Variants in IRX4 observed in about 807,000 individuals in gnomAD.
IRX4 encodes the protein iroquois homeobox 4.
A neutral mutation model predicts 32.0 loss-of-function variants in IRX4; 22 were observed. The ratio of observed to expected loss-of-function variants is 0.69; its 90% confidence interval spans 0.49 to 0.98. The LOEUF is 0.98. Among genes scored for constraint, IRX4 ranks in the 50% least tolerant of loss-of-function variants. IRX4 has a pLI of 0.00. For synonymous variants in IRX4, 379 were observed against 351.7 expected (o/e 1.08, Z -0.87); for missense variants, 840 against 744.2 (o/e 1.13, Z -1.50).
In IRX4 at chr5:1,877,445, T is replaced by C. The variant is rs1227535558; in HGVS notation, c.*524A>G. The stretch of plus-strand genomic sequence containing the variant: ...ATACAAACACCATCACTCGGTTTTA[T>C]TGGTTTTGTTATATTAGCCTCTGAA... On this transcript the variant is annotated 3_prime_UTR_variant, in exon 5 of 5. Transcript: ENST00000231357. 6.5e-6 allele frequency: 1 copy of C among 152,880 alleles called. No homozygotes were observed. The highest frequency in any genetic ancestry group is 1.9e-4 in the East Asian group (1 of 5,208). The allele number at this position is 152,880 out of a possible 1,614,324, so 9.5% of individuals were successfully genotyped here.
chr5:1,880,871 G>T, intron 2 of IRX4, 37 bp from the exon 3 acceptor site: 34 of 1,511,030 alleles, frequency 2.3e-5, no homozygotes, highest in Non-Finnish European at 3.1e-5. Context: ...CAGTTTCCAG[G>T]GAGGCAACCC....
chr5:1,881,645 T>C (rs1034855844), intron 2 of IRX4, among the ~76,000 whole-genome samples, 163 bp downstream of exon 2: 1 of 151,130 alleles, frequency 6.6e-6, no homozygotes, highest in African/African-American at 2.4e-5. Flanking sequence ...GGGGTGGGGT[T>C]CTGAGGGTCT....
chr5:1,881,260 G>T (rs538068907), intron 2 of IRX4, among the ~76,000 whole-genome samples: 1 of 146,618 alleles, frequency 6.8e-6, no homozygotes, highest in South Asian at 2.2e-4. Flanking sequence ...AGGGGCTGCT[G>T]AGCGAGGGGA....
rs1335154666 is a variant in IRX4 at position 1,878,573 on chromosome 5, T to TCCTCAGGG, written c.955_956insCCCTGAGG (p.Asp319AlafsTer70). The TCCTCAGGG allele has an allele frequency of 6.5e-7, 1 of 1,547,600 alleles. No homozygotes were observed. Among genetic ancestry groups the TCCTCAGGG allele is most frequent in the Non-Finnish European group, 8.7e-7 (1 of 1,147,240 alleles). ...GAGACAGCTCCGGGCCCTCTCCAGG[T>TCCTCAGGG]CCTCGTCCAGAGCAGCTCCGCCACC... is the stretch of plus-strand genomic sequence containing the variant. On this transcript the variant is annotated frameshift_variant, in exon 5 of 5. Transcript: ENST00000231357. LOFTEE classifies it low-confidence loss of function (END_TRUNC).
At chr5:1,885,372 C>A (rs1308502441), upstream of IRX4, among the ~76,000 whole-genome samples, 2 of 152,230 alleles carry the variant, frequency 1.3e-5, no homozygotes, top group Non-Finnish European at 2.9e-5. Context: ...CTCCTGTTCT[C>A]TTTTGCCTTT....
At chr5:1,886,292 A>C (rs2111462080), upstream of IRX4, among the ~76,000 whole-genome samples, 1 of 152,334 alleles carries the variant, frequency 6.6e-6, no homozygotes. Context: ...AGCCCAGAGA[A>C]GTTAACTCCA....
Position 1,877,880 on chromosome 5 carries a change from G to A in IRX4, c.*89C>T, listed in dbSNP as rs536709566. ...GTGGGTTGGCGGCTTCGCGGTGGCC[G>A]CGCTAGTCTTCCTCTGGAAACTCAG... is the stretch of plus-strand genomic sequence containing the variant. On this transcript the variant is annotated 3_prime_UTR_variant, in exon 5 of 5. Transcript: ENST00000231357. 2.7e-4 allele frequency: 333 copies of A among 1,242,516 alleles called. 1 individual carries two copies. The African/African-American group carries it at 5.0e-3, about 19-fold the overall frequency. 77.0% of individuals were successfully genotyped at this position (1,242,516 alleles called of 1,614,324 possible). A position where few individuals can be genotyped will look rare whatever the true frequency, so the allele number is the denominator to read the frequency against.
chr5:1,886,708 AC>A (rs1399323402), upstream of IRX4, among the ~76,000 whole-genome samples: 2 of 120,114 alleles, frequency 1.7e-5, no homozygotes, highest in South Asian at 3.0e-4. Context: ...CGAGCCCCCC[AC>A]CCCCCGCCCC....
rs1400834472 is a variant in IRX4 at position 1,877,568 on chromosome 5, C to T, written c.*401G>A. ...ACTCAGTGCAAGTGCTGTTGGTGAGCATTACGTGCTGAGGATGAAATCGGA... is the reference window on the plus strand; with the variant it reads ...ACTCAGTGCAAGTGCTGTTGGTGAGTATTACGTGCTGAGGATGAAATCGGA... On this transcript the variant is annotated 3_prime_UTR_variant, in exon 5 of 5. Coordinates refer to ENST00000231357, the MANE Select transcript of IRX4 (RefSeq NM_016358.3). The T allele has an allele frequency of 8.8e-6, 2 of 226,194 alleles. No homozygotes were observed. The highest frequency in any genetic ancestry group is 1.7e-5 in the Non-Finnish European group (2 of 117,376). The allele number at this position is 226,194 out of a possible 1,614,324, so 14.0% of individuals were successfully genotyped here. A position where few individuals can be genotyped will look rare whatever the true frequency, so the allele number is the denominator to read the frequency against.
Position 1,881,900 on chromosome 5 carries a change from C to T in IRX4, c.205G>A (p.Ala69Thr). 1 of 1,585,070 alleles carries T rather than the reference C, an allele frequency of 6.3e-7. No individual in the cohort carries two copies. Among genetic ancestry groups the T allele is most frequent in the South Asian group, 1.2e-5 (1 of 86,804 alleles). The change falls in exon 2 of 5, where the codon GCG becomes ACG. Residue 69 changes from alanine (A) to threonine (T), a missense_variant. Ala to Thr is a moderately conservative substitution (Grantham distance 58). Coordinates refer to ENST00000231357, the MANE Select transcript of IRX4 (RefSeq NM_016358.3). ...TAGGGACCCCCATAGACGCCCAGCG[C>T]CGCGGCCGAGTTGAGCTCGTGGCGC... ...TARHELNSAA[A>T]LGVYGGPYGG...
At chr5:1,885,698 C>T (rs1194151601), upstream of IRX4, among the ~76,000 whole-genome samples, 2 of 152,240 alleles carry the variant, frequency 1.3e-5, no homozygotes, top group Admixed American at 6.5e-5. Context: ...ACCCTGTAGC[C>T]TGGCCTAGGC....
Position 1,878,196 on chromosome 5 carries a change from C to A in IRX4, c.1333G>T (p.Asp445Tyr), listed in dbSNP as rs1009617537. 2 of 1,596,876 alleles carry A rather than the reference C, an allele frequency of 1.3e-6. No individual in the cohort carries two copies. The highest frequency in any genetic ancestry group is 1.7e-6 in the Non-Finnish European group (2 of 1,173,178). Residue 445 changes from aspartate to tyrosine, a missense_variant, in exon 5 of 5, where the codon GAC becomes TAC. Physicochemically the swap from Asp to Tyr is radical, Grantham distance 160 (BLOSUM62 -3). Coordinates refer to ENST00000231357, the MANE Select transcript of IRX4 (RefSeq NM_016358.3). ...AAAGTGCTGTGCCTGAGGATGGGGTCGTGGAAGACCCCGTCCACCCAGTTT... is the reference window on the plus strand; with the variant it reads ...AAAGTGCTGTGCCTGAGGATGGGGTAGTGGAAGACCCCGTCCACCCAGTTT... ...LRNWVDGVFH[D>Y]PILRHSTLNQ...
rs1579256025 is a variant in IRX4 at position 1,882,832 on chromosome 5, G to A, written c.-185C>T. ...ACCGGGTAACAAAGTGAGCAGCGGTGGCCGCCGCGATTCCTTTAACTTCGC... is the reference window on the plus strand; with the variant it reads ...ACCGGGTAACAAAGTGAGCAGCGGTAGCCGCCGCGATTCCTTTAACTTCGC... On this transcript the variant is annotated 5_prime_UTR_variant, in exon 1 of 5. Transcript: ENST00000231357. The A allele has an allele frequency of 1.5e-5, 6 of 405,264 alleles. No homozygotes were observed. The highest frequency in any genetic ancestry group is 2.2e-5 in the Non-Finnish European group (5 of 226,654). 25.1% of individuals were successfully genotyped at this position (405,264 alleles called of 1,614,324 possible). A position where few individuals can be genotyped will look rare whatever the true frequency, so the allele number is the denominator to read the frequency against.
Position 1,878,212 on chromosome 5 carries a change from C to T in IRX4, c.1317G>A (p.Val439=), listed in dbSNP as rs1162638804. 17 of 1,601,884 alleles carry T rather than the reference C, an allele frequency of 1.1e-5. No individual in the cohort carries two copies. Among genetic ancestry groups the T allele is most frequent in the African/African-American group, 1.3e-5 (1 of 74,920 alleles). ...GGATGGGGTCGTGGAAGACCCCGTCCACCCAGTTTCTGAGACTGGTTACCG... is the reference window on the plus strand; with the variant it reads ...GGATGGGGTCGTGGAAGACCCCGTCTACCCAGTTTCTGAGACTGGTTACCG... ...DSPVTSLRNW[V]DGVFHDPILR... is the part of the protein sequence containing the mutation. The change falls in exon 5 of 5, where the codon GTG becomes GTA. Residue 439 remains valine, a synonymous_variant. Coordinates refer to ENST00000231357, the MANE Select transcript of IRX4 (RefSeq NM_016358.3).
In IRX4 at chr5:1,881,917, T is replaced by C. The variant is rs1323225768; in HGVS notation, c.188A>G (p.Glu63Gly). The change falls in exon 2 of 5, where the codon GAG becomes GGG. Residue 63 changes from glutamate to glycine, a missense_variant. Glu to Gly is a moderately conservative substitution (Grantham distance 98). Around this residue, in one of 3 missense-constraint regions of IRX4, gnomAD observed 241 missense variants for 220.8 expected, o/e 1.09. Transcript: ENST00000231357. ...GCCCAGCGCCGCGGCCGAGTTGAGC[T>C]CGTGGCGCGCGGTGGCCAGCAGCCG... ...ESRLLATARH[E>G]LNSAAALGVY... is the part of the protein sequence containing the mutation. 3.2e-6 allele frequency: 5 copies of C among 1,582,004 alleles called. No homozygotes were observed.
rs774491492 is a variant in IRX4 at position 1,878,425 on chromosome 5, G to A, written c.1104C>T (p.Ile368=). 6.6e-7 allele frequency: 1 copy of A among 1,517,214 alleles called. No homozygotes were observed. Among genetic ancestry groups the A allele is most frequent in the Non-Finnish European group, 8.8e-7 (1 of 1,136,992 alleles). 94.0% of individuals were successfully genotyped at this position (1,517,214 alleles called of 1,614,324 possible). A position where few individuals can be genotyped will look rare whatever the true frequency, so the allele number is the denominator to read the frequency against. The change falls in exon 5 of 5, where the codon ATC becomes ATT. Residue 368 remains isoleucine, a synonymous_variant. Coordinates refer to ENST00000231357, the MANE Select transcript of IRX4 (RefSeq NM_016358.3). ...ASAGLEAKPR[I]WSLAHTATAA... is the part of the protein sequence containing the mutation. ...CGGTGGCTGTGTGGGCCAGGGACCA[G>A]ATGCGCGGCTTAGCCTCCAGGCCTG... is the stretch of plus-strand genomic sequence containing the variant.
intron 1 of IRX4, among the ~76,000 whole-genome samples, chr5:1,882,320 C>G (rs935193394): frequency 6.6e-6 from 1 of 152,218 alleles, no homozygotes; most frequent in African/African-American, 2.4e-5. Context: ...AAGCCTCCTT[C>G]CCCAGGGGTT....
At chr5:1,880,998 C>T (rs759787022) in intron 2 of IRX4, 164 bp from the exon 3 acceptor site, 13 of 614,768 alleles carry the variant, frequency 2.1e-5, no homozygotes, top group Middle Eastern at 3.3e-4. Context: ...AACCTGGTCT[C>T]GCAAACCTGA....
upstream of IRX4, chr5:1,886,872 G>T (rs1191235109): frequency 4.6e-5 from 7 of 152,032 alleles, no homozygotes; most frequent in Non-Finnish European, 1.0e-4. Context: ...CTGAGCTGGG[G>T]AAGCTCCCGC....
Sources: allele counts gnomAD v4.1 joint callset (sites outside exome capture counted in the v4.1 genomes callset), GRCh38; gene constraint gnomAD v4.1.1; regional missense constraint gnomAD v4.1.1; transcripts MANE v1.5; gene names NCBI Gene and HGNC (gene_info 2026-07-23, HGNC 2026-07-21).